Variants in TSC2 observed in about 807,000 individuals in gnomAD.
TSC2 encodes TSC complex subunit 2.
Under a neutral mutation model 202.2 loss-of-function variants are expected in TSC2, and 29 were observed. That is an observed-to-expected ratio of 0.14 (90% CI 0.11 to 0.20). The LOEUF is 0.20. Among genes scored for constraint, TSC2 ranks in the 10% least tolerant of loss-of-function variants. The probability of loss-of-function intolerance (pLI) is 1.00; values close to 1 mark genes in which losing one functional copy is unlikely to be tolerated. For synonymous variants in TSC2, 1,349 were observed against 1,044.0 expected (o/e 1.29, Z -5.63); for missense variants, 2,429 against 2,420.0 (o/e 1.00, Z -0.08).
chr16:2,056,020 G>C (rs934265948), intron 6 of TSC2, 176 bp from the exon 7 acceptor site: 2 of 723,746 alleles, frequency 2.8e-6, no homozygotes, highest in African/African-American at 3.5e-5. Context: ...TGAACACCCA[G>C]CACCGAGAGC....
At chr16:2,086,114 C>G in intron 36 of TSC2, 79 bp from the exon 37 acceptor site, 3 of 1,568,904 alleles carry the variant, frequency 1.9e-6, no homozygotes, top group Non-Finnish European at 2.6e-6. Flanking sequence ...CCGGCAGAGC[C>G]TGCTGGGCAC....
At chr16:2,087,794 A>C (rs2091029307) in intron 38 of TSC2, 69 bp from the exon 39 acceptor site, 4 of 1,569,522 alleles carry the variant, frequency 2.5e-6, no homozygotes, top group Non-Finnish European at 3.5e-6. Context: ...CAGTGCAACC[A>C]GGCAGTAGCC....
intron 26 of TSC2, chr16:2,078,806 C>G: frequency 3.3e-6 from 2 of 611,608 alleles, no homozygotes; most frequent in Non-Finnish European, 5.8e-6. Flanking sequence ...CCTGAGTCTG[C>G]TCCGACCAGT....
At chr16:2,082,278 C>T in intron 31 of TSC2, 158 bp from the exon 32 acceptor site, 3 of 808,512 alleles carry the variant, frequency 3.7e-6, no homozygotes, top group Non-Finnish European at 6.3e-6. Flanking sequence ...CTCAGGTCTG[C>T]CCAAGCAGCT....
intron 31 of TSC2, 98 bp from the exon 32 acceptor site, chr16:2,082,338 C>T (rs769315232): frequency 1.4e-4 from 194 of 1,430,790 alleles, no homozygotes; most frequent in Non-Finnish European, 1.4e-4. Flanking sequence ...GCTGGCCCTG[C>T]CCTCTCTCCT....
chr16:2,055,974 G>A (rs986739308), intron 6 of TSC2: 5 of 625,678 alleles, frequency 8.0e-6, no homozygotes, highest in South Asian at 6.9e-5. Context: ...TTTGTTGTTT[G>A]TTTAGAATGT....
At chr16:2,057,011 C>T in intron 8 of TSC2, 94 bp from the exon 9 acceptor site, 1 of 1,501,024 alleles carries the variant, frequency 6.7e-7, no homozygotes, top group Non-Finnish European at 9.1e-7. Flanking sequence ...CCTTGGGTGG[C>T]TATAGGGCAG....
intron 11 of TSC2, chr16:2,061,540 C>G: frequency 2.3e-6 from 1 of 426,322 alleles, no homozygotes; most frequent in South Asian, 2.1e-5. Context: ...CCTTCTTGGC[C>G]CAGCTGCATG....
intron 14 of TSC2, 29 bp downstream of exon 14, chr16:2,063,082 G>C (rs368999204): frequency 6.4e-7 from 1 of 1,550,866 alleles, no homozygotes; most frequent in East Asian, 2.4e-5. Context: ...GCAGCTGGGG[G>C]CTCAGGGCTA....
In TSC2 at chr16:2,058,768, C is replaced by T. The variant is rs1166082765; in HGVS notation, c.870C>T (p.Pro290=). The T allele has an allele frequency of 6.3e-7, 1 of 1,588,628 alleles. No homozygotes were observed. Among genetic ancestry groups the T allele is most frequent in the South Asian group, 1.1e-5 (1 of 87,390 alleles). The change falls in exon 10 of 42, where the codon CCC becomes CCT. Residue 290 remains proline (P), a synonymous_variant. Transcript: ENST00000219476. The part of the protein sequence containing the change: ...MEDRAYMEDA[P]LLRGAVFFVG... ...TTAGAGCCTACATGGAGGACGCGCCCCTGCTGAGAGGAGCCGTGTTTTTTG... is the reference window on the plus strand; with the variant it reads ...TTAGAGCCTACATGGAGGACGCGCCTCTGCTGAGAGGAGCCGTGTTTTTTG...
At chr16:2,077,005 G>T (rs955922950) in intron 25 of TSC2, among the ~76,000 whole-genome samples, 1 of 152,228 alleles carries the variant, frequency 6.6e-6, no homozygotes, top group African/African-American at 2.4e-5. Context: ...CATTTGAACG[G>T]CTTTCTCCTC....
At position 2,054,461 on chromosome 16, in the gene TSC2, G is replaced by C. The variant is rs397515040; in HGVS notation, c.481+21G>C. The C allele has an allele frequency of 1.9e-6, 3 of 1,614,052 alleles. No homozygotes were observed. In the South Asian group the frequency reaches 3.3e-5, roughly 18 times the overall value. On this transcript the variant is annotated intron_variant, in intron 5 of 41. Coordinates refer to ENST00000219476, the MANE Select transcript of TSC2 (RefSeq NM_000548.5). The stretch of plus-strand genomic sequence containing the variant: ...GCTGGGTGGGTGCCACCTTGGGTTG[G>C]AGGTTTCTCTGGCCTTGACGATCAA...
chr16:2,087,775 GGTGTCTAGCA>G, intron 38 of TSC2, 78 bp from the exon 39 acceptor site: 1 of 1,465,820 alleles, frequency 6.8e-7, no homozygotes, highest in Non-Finnish European at 9.4e-7. Context: ...GGAGCTGACA[GGTGTCTAGCA>G]GTGCAACCAG....
intron 15 of TSC2, chr16:2,065,213 A>T (rs1383209702): frequency 5.7e-6 from 2 of 351,114 alleles, no homozygotes; most frequent in East Asian, 6.6e-5. Context: ...GGAGATCAAG[A>T]CCATCCTGGC....
chr16:2,082,296 AGCACTGGGCCCCGTGCGCGCCCCT>A, intron 31 of TSC2, 116 bp from the exon 32 acceptor site: 1 of 909,720 alleles, frequency 1.1e-6, no homozygotes, highest in Non-Finnish European at 1.8e-6. Context: ...GCTTGTAGCT[AGCACTGGGCCCCGTGCGCGCCCCT>A]GCCGGCCGCT....
intron 16 of TSC2, 70 bp from the exon 17 acceptor site, chr16:2,070,386 G>A: frequency 1.2e-6 from 2 of 1,612,602 alleles, no homozygotes; most frequent in Non-Finnish European, 8.5e-7. Context: ...CCTGCTCCGG[G>A]ACAAGGGTGC....
At chr16:2,062,424 C>G in intron 12 of TSC2, 73 bp from the exon 13 acceptor site, 3 of 1,437,862 alleles carry the variant, frequency 2.1e-6, no homozygotes, top group Non-Finnish European at 2.9e-6. Flanking sequence ...ACCAGCCTCT[C>G]GACCAGCAGC....
rs397514957 is a variant in TSC2 at position 2,056,699 on chromosome 16, G to C, written c.704G>C (p.Ser235Thr). ...VVCYNCLPAESLPLFIVTLCR... is the reference protein window; with the variant it reads ...VVCYNCLPAETLPLFIVTLCR... ...TGCTACAACTGCCTGCCGGCTGAGAGCCTCCCGCTGTTCATCGTTACCCTC... is the reference window on the plus strand; with the variant it reads ...TGCTACAACTGCCTGCCGGCTGAGACCCTCCCGCTGTTCATCGTTACCCTC... The change falls in exon 8 of 42, where the codon AGC becomes ACC. Residue 235 changes from serine to threonine, a missense_variant. Transcript: ENST00000219476. 6.2e-7 allele frequency: 1 copy of C among 1,612,582 alleles called. No individual in the cohort carries two copies. The highest frequency in any genetic ancestry group is 8.5e-7 in the Non-Finnish European group (1 of 1,180,026).
At chr16:2,054,245 C>T (rs561823361) in intron 4 of TSC2, 51 bp from the exon 5 acceptor site, 31 of 1,613,344 alleles carry the variant, frequency 1.9e-5, no homozygotes, top group Middle Eastern at 1.7e-4. Context: ...TCTTGGCAGC[C>T]GTGTGGGCGA....
Sources: gnomAD v4.1 joint callset for allele counts (sites outside exome capture counted in the v4.1 genomes callset) on GRCh38, gnomAD v4.1.1 for gene constraint, MANE v1.5 for transcripts, NCBI Gene and HGNC (gene_info 2026-07-23, HGNC 2026-07-21) for gene names.